The following EFHC2 variants were observed in gnomAD, a reference collection of about 807,000 sequenced individuals.
The protein encoded by EFHC2 is EF-hand domain-containing family member C2.
Under a neutral mutation model 52.7 loss-of-function variants are expected in EFHC2, and 18 were observed. That is an observed-to-expected ratio of 0.34 (90% CI 0.24 to 0.51). EFHC2 has a LOEUF of 0.51. Ranked by LOEUF, EFHC2 falls within the 20% of genes least tolerant of loss-of-function variation. The probability of loss-of-function intolerance (pLI) is 0.97; values close to 1 mark genes in which losing one functional copy is unlikely to be tolerated. For missense variants in EFHC2, 513 were observed against 562.5 expected (o/e 0.91, Z 0.89); for synonymous variants, 203 against 204.1 (o/e 0.99, Z 0.04).
chrX:44,232,858 T>C (rs2037289845), intron 9 of EFHC2, among the ~76,000 whole-genome samples, 181 bp from the exon 10 acceptor site: 5 of 110,953 alleles, frequency 4.5e-5, no homozygotes, highest in Non-Finnish European at 3.8e-5. Flanking sequence ...TAAGACTTCC[T>C]AGGTGAGGAT....
intron 13 of EFHC2, among the ~76,000 whole-genome samples, chrX:44,173,642 G>A (rs189119946): frequency 2.9e-3 from 320 of 111,883 alleles, no homozygotes; most frequent in Non-Finnish European, 5.1e-3. Context: ...CACAATTAGA[G>A]GCAAAGTTAG....
intron 4 of EFHC2, among the ~76,000 whole-genome samples, chrX:44,260,531 T>A (rs1335918814): frequency 1.8e-5 from 2 of 111,640 alleles, no homozygotes; most frequent in African/African-American, 6.5e-5. Flanking sequence ...ACCTTGTACA[T>A]AAACATCCTT....
intron 2 of EFHC2, chrX:44,309,433 A>T (rs2037928928): frequency 9.3e-7 from 1 of 1,071,321 alleles, no homozygotes; most frequent in African/African-American, 1.8e-5. Context: ...ATTCTCCGTA[A>T]AGTCAAATGG....
chrX:44,181,213 T>C (rs1023716740), intron 11 of EFHC2, among the ~76,000 whole-genome samples: 3 of 111,627 alleles, frequency 2.7e-5, no homozygotes, highest in African/African-American at 9.8e-5. Flanking sequence ...CATATGGTCA[T>C]AGAAATAAGA....
intron 13 of EFHC2, among the ~76,000 whole-genome samples, chrX:44,168,698 G>A (rs754214731): frequency 5.4e-4 from 60 of 110,728 alleles, no homozygotes; most frequent in African/African-American, 1.9e-3. Context: ...GGTGAGGGGC[G>A]GTCAGGTGCC....
intron 11 of EFHC2, among the ~76,000 whole-genome samples, chrX:44,201,786 T>C (rs2037007967): frequency 8.9e-6 from 1 of 112,076 alleles, no homozygotes; most frequent in African/African-American, 3.2e-5. Flanking sequence ...GTTCTGAAAC[T>C]CATCTTATGA....
chrX:44,216,245 A>T (rs1309524292), intron 11 of EFHC2, among the ~76,000 whole-genome samples: 2 of 112,287 alleles, frequency 1.8e-5, no homozygotes, highest in African/African-American at 6.5e-5. Context: ...ATTCAGACAG[A>T]GCACAGAAGA....
chrX:44,269,384 T>C (rs780526755), intron 3 of EFHC2, among the ~76,000 whole-genome samples: 2 of 109,894 alleles, frequency 1.8e-5, no homozygotes, highest in South Asian at 4.1e-4. Flanking sequence ...CTGAGGCCGA[T>C]ATAGTTTGGA....
intron 14 of EFHC2, 114 bp from the exon 15 acceptor site, chrX:44,149,010 A>G (rs1207351538): frequency 1.1e-5 from 7 of 611,804 alleles, no homozygotes; most frequent in African/African-American, 1.1e-4. Flanking sequence ...CTTTAGGTTC[A>G]TAAGGACTTT....
chrX:44,293,988 C>T (rs1471457593), intron 2 of EFHC2, among the ~76,000 whole-genome samples: 9 of 112,225 alleles, frequency 8.0e-5, no homozygotes, highest in African/African-American at 2.9e-4. Flanking sequence ...GGGGAACGTG[C>T]CGTTGGCATA....
chrX:44,158,636 C>T lies in EFHC2; in HGVS notation c.2148+5286G>A, dbSNP rs1328360721. Among the ~76,000 whole-genome samples, 3 of 111,148 alleles carry T rather than the reference C, an allele frequency of 2.7e-5. No individual in the cohort carries two copies. The East Asian group carries it at 8.6e-4, about 32-fold the overall frequency. On this transcript the variant is annotated intron_variant, in intron 14 of 14. Coordinates refer to ENST00000420999, the MANE Select transcript of EFHC2 (RefSeq NM_025184.4). ...CTATGGAAGACTCCCCAAACGTTGG[C>T]AATCCCCAAAGTCATAACTGGGAGG...
chrX:44,325,107 T>A (rs968654032), intron 1 of EFHC2, among the ~76,000 whole-genome samples: 3 of 111,547 alleles, frequency 2.7e-5, no homozygotes, highest in Admixed American at 9.6e-5. Flanking sequence ...ATTAGAGTAT[T>A]AGCTTGAAAT....
At chrX:44,183,105 A>G (rs951098203) in intron 11 of EFHC2, among the ~76,000 whole-genome samples, 1 of 111,530 alleles carries the variant, frequency 9.0e-6, no homozygotes, top group African/African-American at 3.3e-5. Context: ...TTAAAGTCTA[A>G]GCAATGTCTT....
At chrX:44,187,262 G>A (rs886387534) in intron 11 of EFHC2, among the ~76,000 whole-genome samples, 4 of 106,694 alleles carry the variant, frequency 3.7e-5, no homozygotes, top group Non-Finnish European at 7.7e-5. Context: ...CCCTGCCACC[G>A]AAATATAACC....
intron 13 of EFHC2, among the ~76,000 whole-genome samples, chrX:44,170,628 G>C (rs1010859007): frequency 1.8e-5 from 2 of 109,728 alleles, no homozygotes; most frequent in Non-Finnish European, 3.8e-5. Context: ...AAATAATCTG[G>C]AAAAGCCTAT....
intron 1 of EFHC2, among the ~76,000 whole-genome samples, chrX:44,317,149 G>A (rs774053323): frequency 2.9e-4 from 32 of 112,007 alleles, no homozygotes; most frequent in Admixed American, 4.7e-4. Context: ...ACAGCCCTTC[G>A]TATTTATTGG....
At chrX:44,173,157 C>T (rs2036758692) in intron 13 of EFHC2, among the ~76,000 whole-genome samples, 1 of 112,149 alleles carries the variant, frequency 8.9e-6, no homozygotes, top group Non-Finnish European at 1.9e-5. Flanking sequence ...ACCCTTTAGC[C>T]ATATTGTTTT....
intron 2 of EFHC2, among the ~76,000 whole-genome samples, chrX:44,289,422 T>A (rs2037775777): frequency 9.0e-6 from 1 of 111,248 alleles, no homozygotes; most frequent in Non-Finnish European, 1.9e-5. Context: ...TGGCTGAGTT[T>A]AGATTTTCTG....
intron 1 of EFHC2, among the ~76,000 whole-genome samples, chrX:44,318,343 G>C (rs1029832837): frequency 2.7e-5 from 3 of 111,964 alleles, no homozygotes; most frequent in African/African-American, 9.8e-5. Context: ...CATAGAGACA[G>C]AAGGCAGATT....
Sources: allele counts gnomAD v4.1 joint callset (sites outside exome capture counted in the v4.1 genomes callset), GRCh38; gene constraint gnomAD v4.1.1; transcripts MANE v1.5; gene names NCBI Gene and HGNC (gene_info 2026-07-23, HGNC 2026-07-21).